The following NRXN3 variants were observed in gnomAD, a reference collection of about 807,000 sequenced individuals.
NRXN3 encodes the protein neurexin 3.
Under a neutral mutation model 137.6 loss-of-function variants are expected in NRXN3, and 32 were observed. The observed-to-expected ratio is 0.23, with a 90% CI of 0.18 to 0.31. NRXN3 has a LOEUF of 0.31. Ranked by LOEUF, NRXN3 falls within the 10% of genes least tolerant of loss-of-function variation. The pLI, the probability that NRXN3 is intolerant of heterozygous loss-of-function variation, is 1.00. For synonymous variants in NRXN3, 798 were observed against 784.5 expected (o/e 1.02, Z -0.29); for missense variants, 1,574 against 2,062.5 (o/e 0.76, Z 4.59).
At chr14:79,792,339 T>C (rs934064253) in intron 19 of NRXN3, among the ~76,000 whole-genome samples, 8 of 152,196 alleles carry the variant, frequency 5.3e-5, no homozygotes. Context: ...TGTTGCCCAG[T>C]AATTCTGTTT....
chr14:79,350,825 C>T (rs1378705265), intron 15 of NRXN3, among the ~76,000 whole-genome samples: 1 of 152,152 alleles, frequency 6.6e-6, no homozygotes, highest in African/African-American at 2.4e-5. Flanking sequence ...CCTACTGCAA[C>T]CCAGAACTCC....
At chr14:78,198,337 C>G (rs1171580791) in intron 1 of NRXN3, among the ~76,000 whole-genome samples, 1 of 152,208 alleles carries the variant, frequency 6.6e-6, no homozygotes, top group African/African-American at 2.4e-5. Context: ...GGTGAGCACA[C>G]AGAACTGCCC....
chr14:79,432,909 A>G (rs181975431), intron 15 of NRXN3, among the ~76,000 whole-genome samples: 38 of 152,322 alleles, frequency 2.5e-4, no homozygotes, highest in African/African-American at 8.9e-4. Flanking sequence ...CAGTAAATGT[A>G]TGGACTGAGG....
At chr14:78,701,139 A>G (rs1307874671) in intron 6 of NRXN3, among the ~76,000 whole-genome samples, 1 of 152,324 alleles carries the variant, frequency 6.6e-6, no homozygotes, top group African/African-American at 2.4e-5. Context: ...AAGTGGAATA[A>G]AAGTCCTAAG....
At chr14:78,295,386 A>G (rs116472499) in intron 3 of NRXN3, among the ~76,000 whole-genome samples, 146 of 152,296 alleles carry the variant, frequency 9.6e-4, no homozygotes, top group African/African-American at 3.3e-3. Flanking sequence ...TTGAGTGGCA[A>G]TACTGCAACT....
At chr14:79,140,552 TG>T (rs2152994864) in intron 15 of NRXN3, among the ~76,000 whole-genome samples, 1 of 149,190 alleles carries the variant, frequency 6.7e-6, no homozygotes, top group Non-Finnish European at 1.5e-5. Flanking sequence ...ATGTTGCAAT[TG>T]TTATTATCAC....
chr14:78,586,124 C>T (rs2097059690), intron 4 of NRXN3, among the ~76,000 whole-genome samples: 1 of 152,168 alleles, frequency 6.6e-6, no homozygotes, highest in Non-Finnish European at 1.5e-5. Flanking sequence ...ATTTCTTTAT[C>T]TATTGTCTGT....
chr14:78,673,965 A>C (rs1172527535), intron 6 of NRXN3, among the ~76,000 whole-genome samples: 1 of 152,220 alleles, frequency 6.6e-6, no homozygotes, highest in Non-Finnish European at 1.5e-5. Context: ...CAGCATATCC[A>C]AGACCATCAT....
intron 15 of NRXN3, chr14:79,279,603 C>T (rs947659137): frequency 2.7e-5 from 27 of 987,018 alleles, no homozygotes; most frequent in Admixed American, 1.8e-4. Flanking sequence ...CCTCTGGCTG[C>T]GGTGGCTGCT....
intron 4 of NRXN3, among the ~76,000 whole-genome samples, chr14:78,522,203 A>T (rs2096293519): frequency 6.6e-6 from 1 of 152,162 alleles, no homozygotes; most frequent in Admixed American, 6.5e-5. Context: ...TTTTACATAT[A>T]CTTTTTTACA....
chr14:78,616,477 T>C (rs1434666128), intron 4 of NRXN3, among the ~76,000 whole-genome samples: 3 of 152,210 alleles, frequency 2.0e-5, no homozygotes, highest in African/African-American at 4.8e-5. Context: ...TTCCTCTTAT[T>C]CCACCCTGAT....
chr14:78,390,167 A>G (rs916273423), intron 4 of NRXN3, among the ~76,000 whole-genome samples: 2 of 152,180 alleles, frequency 1.3e-5, no homozygotes, highest in African/African-American at 4.8e-5. Flanking sequence ...TTTTATGCAT[A>G]CTATTTTAAA....
At chr14:79,806,602 T>C (rs1270329474) in intron 20 of NRXN3, among the ~76,000 whole-genome samples, 1 of 152,140 alleles carries the variant, frequency 6.6e-6, no homozygotes, top group Non-Finnish European at 1.5e-5. Context: ...ACATCCGAAC[T>C]ATACCAGAAC....
At chr14:79,061,473 T>C (rs1332652063) in intron 15 of NRXN3, among the ~76,000 whole-genome samples, 1 of 152,126 alleles carries the variant, frequency 6.6e-6, no homozygotes, top group African/African-American at 2.4e-5. Context: ...AAAGCACCCA[T>C]GGCAAGGGGG....
intron 19 of NRXN3, among the ~76,000 whole-genome samples, chr14:79,789,103 T>G (rs2099137853): frequency 6.6e-6 from 1 of 152,188 alleles, no homozygotes; most frequent in Admixed American, 6.5e-5. Context: ...TTTTAATTTT[T>G]TTTAAGTCTA....
chr14:79,089,873 A>G (rs971328162), intron 15 of NRXN3, among the ~76,000 whole-genome samples: 18 of 152,126 alleles, frequency 1.2e-4, no homozygotes, highest in Non-Finnish European at 1.6e-4. Flanking sequence ...TTCTTTCAGG[A>G]ATGCTTATTT....
At chr14:78,898,896 T>A (rs1357779411) in intron 10 of NRXN3, among the ~76,000 whole-genome samples, 1 of 151,948 alleles carries the variant, frequency 6.6e-6, no homozygotes, top group Non-Finnish European at 1.5e-5. Flanking sequence ...TTTTACAAAA[T>A]AAAATGATTG....
chr14:79,100,220 A>G (rs1337473614), intron 15 of NRXN3, among the ~76,000 whole-genome samples: 1 of 152,204 alleles, frequency 6.6e-6, no homozygotes, highest in African/African-American at 2.4e-5. Flanking sequence ...TAGCGACTGC[A>G]GTGACAGTCT....
intron 15 of NRXN3, among the ~76,000 whole-genome samples, chr14:79,068,935 ATAAATTC>A (rs1280578858): frequency 1.3e-5 from 2 of 152,082 alleles, no homozygotes; most frequent in Non-Finnish European, 2.9e-5. Flanking sequence ...CTTAGGCAGT[ATAAATTC>A]TGAATACCTT....
Sources: gnomAD v4.1 joint callset for allele counts (sites outside exome capture counted in the v4.1 genomes callset) on GRCh38, gnomAD v4.1.1 for gene constraint, MANE v1.5 for transcripts, NCBI Gene and HGNC (gene_info 2026-07-23, HGNC 2026-07-21) for gene names.